The following ADRA1D variants were observed in gnomAD, a reference collection of about 807,000 sequenced individuals.
ADRA1D encodes the protein alpha-1D adrenergic receptor.
A neutral mutation model predicts 18.6 loss-of-function variants in ADRA1D; 22 were observed. The observed-to-expected ratio is 1.19, with a 90% CI of 0.85 to 1.69. The LOEUF is 1.69. Among genes scored for constraint, ADRA1D ranks in the 40% most tolerant of loss-of-function variants. ADRA1D has a pLI of 0.00. For synonymous variants in ADRA1D, 376 were observed against 388.2 expected, an observed-to-expected ratio of 0.97 and a Z score of 0.37; for missense variants, 840 against 840.7, an observed-to-expected ratio of 1.00 and a Z score of 0.01.
chr20:4,235,868 C>T (rs558633259), intron 1 of ADRA1D, among the ~76,000 whole-genome samples: 3 of 152,282 alleles, frequency 2.0e-5, no homozygotes, highest in Admixed American at 2.0e-4. Context: ...TGGGCTCAGG[C>T]GGGGGCAGAG....
intron 1 of ADRA1D, among the ~76,000 whole-genome samples, chr20:4,238,712 CTT>C (rs1028295026): frequency 5.9e-5 from 9 of 152,168 alleles, no homozygotes; most frequent in African/African-American, 1.9e-4. Context: ...TGTGAGCTCT[CTT>C]TGGAATATTT....
At chr20:4,228,438 G>A (rs1980872340) in intron 1 of ADRA1D, among the ~76,000 whole-genome samples, 2 of 152,150 alleles carry the variant, frequency 1.3e-5, no homozygotes, top group South Asian at 4.1e-4. Context: ...GGGGGGATTT[G>A]GCAGCCTAAA....
intron 1 of ADRA1D, among the ~76,000 whole-genome samples, chr20:4,229,587 A>G (rs2122660609): frequency 6.6e-6 from 1 of 152,252 alleles, no homozygotes; most frequent in Admixed American, 6.5e-5. Context: ...CCAGCAGAGG[A>G]AACGGCAAGT....
Position 4,221,446 on chromosome 20 carries a change from T to C in ADRA1D, c.*77A>G. The C allele has an allele frequency of 6.8e-7, 1 of 1,478,968 alleles. No homozygotes were observed. Among genetic ancestry groups the C allele is most frequent in the Admixed American group, 2.1e-5 (1 of 48,162 alleles). The allele number at this position is 1,478,968 out of a possible 1,614,324, so 91.6% of individuals were successfully genotyped here. ...CCGGGTCTCCGATTTGCACGGGGGC[T>C]CTTAGAACACCAGCCCGCCTCTCTG... On this transcript the variant is annotated 3_prime_UTR_variant, in exon 2 of 2. Coordinates refer to ENST00000379453, the MANE Select transcript of ADRA1D (RefSeq NM_000678.4).
Position 4,247,871 on chromosome 20 carries a change from G to A in ADRA1D, c.1087C>T (p.Pro363Ser), listed in dbSNP as rs1166096639. Residue 363 changes from proline to serine, a missense_variant, in exon 1 of 2, where the codon CCT (proline) becomes TCT (serine). By Grantham distance (74) the Pro-to-Ser change is moderately conservative. Transcript: ENST00000379453. ...CCGAGCGGCAGGACAAAGAAGAAAG[G>A]GAACCAGCAGAGCACGAAGACACCC... ...VVGVFVLCWF[P>S]FFFVLPLGSL... 3 of 1,569,968 alleles carry A rather than the reference G, an allele frequency of 1.9e-6. No individual in the cohort carries two copies. The highest frequency in any genetic ancestry group is 2.6e-6 in the Non-Finnish European group (3 of 1,159,770).
intron 1 of ADRA1D, among the ~76,000 whole-genome samples, chr20:4,223,192 G>A (rs763419557): frequency 2.0e-5 from 3 of 151,774 alleles, no homozygotes; most frequent in Non-Finnish European, 4.4e-5. Context: ...TGTCTTTTCA[G>A]CAAATGGTCC....
At chr20:4,231,096 T>TA (rs1980957636) in intron 1 of ADRA1D, among the ~76,000 whole-genome samples, 1 of 71,178 alleles carries the variant, frequency 1.4e-5, no homozygotes, top group South Asian at 4.4e-4. Context: ...TCTTTTCTTT[T>TA]CTTTCTTTCT....
chr20:4,240,001 A>T (rs73610170), intron 1 of ADRA1D, among the ~76,000 whole-genome samples: 8,164 of 152,284 alleles, frequency 0.054, 433 homozygotes, highest in East Asian at 0.28. Flanking sequence ...TGAAAGGCCG[A>T]TGGGTCACTT....
intron 1 of ADRA1D, among the ~76,000 whole-genome samples, chr20:4,236,055 C>T (rs772667426): frequency 1.8e-4 from 27 of 152,274 alleles, no homozygotes; most frequent in African/African-American, 2.4e-4. Flanking sequence ...CTGAGGGCTT[C>T]GGTGGGATGG....
intron 1 of ADRA1D, among the ~76,000 whole-genome samples, chr20:4,241,225 A>T (rs1050857785): frequency 2.6e-5 from 4 of 152,112 alleles, no homozygotes; most frequent in African/African-American, 9.7e-5. Context: ...AAAGAGTGGG[A>T]TGGTGGTTTC....
chr20:4,248,402 T>C lies in ADRA1D; in HGVS notation c.556A>G (p.Ser186Gly), dbSNP rs771452923. The C allele has an allele frequency of 7.5e-6, 12 of 1,610,232 alleles. No individual in the cohort carries two copies. Among genetic ancestry groups the C allele is most frequent in the Admixed American group, 1.7e-5 (1 of 59,474 alleles). The change falls in exon 1 of 2, where the codon AGC (serine) becomes GGC (glycine). Residue 186 changes from serine to glycine, a missense_variant. By Grantham distance (56) the Ser-to-Gly change is moderately conservative. Coordinates refer to ENST00000379453, the MANE Select transcript of ADRA1D (RefSeq NM_000678.4). ...DVLCCTASIL[S>G]LCTISVDRYV... ...CGGTCCACGGAGATGGTGCAGAGGC[T>C]GAGGATGGAGGCCGTGCAGCACAGC...
intron 1 of ADRA1D, among the ~76,000 whole-genome samples, chr20:4,231,502 C>T (rs1450066241): frequency 4.6e-5 from 7 of 152,064 alleles, no homozygotes; most frequent in African/African-American, 1.2e-4. Context: ...GTGCCTGACT[C>T]GAACGAAGCA....
rs8126452 is a variant in ADRA1D, at chr20:4,227,704, C to T, written c.1112-5574G>A. On this transcript the variant is annotated intron_variant, in intron 1 of 1. Coordinates refer to ENST00000379453, the MANE Select transcript of ADRA1D (RefSeq NM_000678.4). The stretch of plus-strand genomic sequence containing the variant: ...CTTCCCTCTCTCCCTCCCTCCCTCC[C>T]TCCTTCCTTCCTTCCTTCCTTCCTT... Among the ~76,000 whole-genome samples, 83 of 92,590 alleles carry T rather than the reference C, an allele frequency of 9.0e-4. 1 individual carries two copies. The highest frequency in any genetic ancestry group is 3.3e-3 in the African/African-American group (73 of 22,106). The allele number at this position is 92,590 out of a possible 152,430, so 60.7% of individuals were successfully genotyped here.
At chr20:4,230,756 A>C (rs957131805) in intron 1 of ADRA1D, among the ~76,000 whole-genome samples, 3 of 152,162 alleles carry the variant, frequency 2.0e-5, no homozygotes, top group Non-Finnish European at 4.4e-5. Context: ...CTTCCTCCAA[A>C]TTCAGCCACG....
At chr20:4,242,265 C>T (rs529865255) in intron 1 of ADRA1D, among the ~76,000 whole-genome samples, 215 of 152,254 alleles carry the variant, frequency 1.4e-3, no homozygotes, top group Middle Eastern at 3.4e-3. Flanking sequence ...TTCCTTGTAC[C>T]GTGGTCCAGT....
At chr20:4,242,971 G>T (rs1353520335) in intron 1 of ADRA1D, among the ~76,000 whole-genome samples, 1 of 152,078 alleles carries the variant, frequency 6.6e-6, no homozygotes, top group Non-Finnish European at 1.5e-5. Flanking sequence ...GTGAGATGCT[G>T]CCGCCATGAA....
chr20:4,225,336 A>G (rs529057403), intron 1 of ADRA1D, among the ~76,000 whole-genome samples: 25 of 150,504 alleles, frequency 1.7e-4, no homozygotes, highest in African/African-American at 6.1e-4. Flanking sequence ...TTATTTTTCT[A>G]GAAGGAATTT....
In ADRA1D at chr20:4,224,470, C is replaced by T. The variant is rs865814773; in HGVS notation, c.1112-2340G>A. Among the ~76,000 whole-genome samples, 3 of 152,304 alleles carry T rather than the reference C, an allele frequency of 2.0e-5. 1 individual carries two copies. The highest frequency in any genetic ancestry group is 6.8e-3 in the Middle Eastern group (2 of 294). On this transcript the variant is annotated intron_variant, in intron 1 of 1. Transcript: ENST00000379453. ...AAAGGCACATGACCAAATGCAAAGG[C>T]ACAATCCAGGCAGCAGAGGCCACTC...
chr20:4,235,083 C>T (rs999373853), intron 1 of ADRA1D, among the ~76,000 whole-genome samples: 5 of 152,188 alleles, frequency 3.3e-5, no homozygotes, highest in African/African-American at 7.2e-5. Flanking sequence ...TATACCAAGC[C>T]GAGCCTCTCA....
Sources: gnomAD v4.1 joint callset for allele counts (sites outside exome capture counted in the v4.1 genomes callset) on GRCh38, gnomAD v4.1.1 for gene constraint, MANE v1.5 for transcripts, NCBI Gene and HGNC (gene_info 2026-07-23, HGNC 2026-07-21) for gene names.